VIL1: variants seen among roughly 807,000 people sequenced by gnomAD.
VIL1 encodes villin-1.
VIL1 carries 86 observed loss-of-function variants against 104.0 expected under a neutral mutation model. The ratio of observed to expected loss-of-function variants is 0.83; its 90% CI spans 0.69 to 0.99. The LOEUF is 0.99. VIL1 is among the 50% of genes least tolerant of loss of function. The pLI, the probability that VIL1 is intolerant of heterozygous loss-of-function variation, is 0.00. For synonymous variants in VIL1, 394 were observed against 412.6 expected (o/e 0.95, Z 0.55); for missense variants, 944 against 1,054.1 (o/e 0.90, Z 1.45).
chr2:218,434,755 TC>T (rs1559148599), intron 14 of VIL1, 50 bp downstream of exon 14: 1 of 1,547,528 alleles, frequency 6.5e-7, no homozygotes, highest in Non-Finnish European at 8.7e-7. Flanking sequence ...GTCCTGGGAG[TC>T]CCCCAGTTTC....
chr2:218,436,989 C>A (rs1689202603), intron 16 of VIL1, 135 bp from the exon 17 acceptor site: 7 of 1,056,398 alleles, frequency 6.6e-6, no homozygotes, highest in South Asian at 1.6e-5. Flanking sequence ...CCAGATGATG[C>A]CTGCCCTAGG....
intron 3 of VIL1, among the ~76,000 whole-genome samples, chr2:218,425,018 T>G (rs539084520): frequency 6.6e-6 from 1 of 152,242 alleles, no homozygotes; most frequent in African/African-American, 2.4e-5. Flanking sequence ...CCTGTACTAT[T>G]AAGACATTTG....
chr2:218,425,896 AC>A, intron 4 of VIL1, 85 bp downstream of exon 4: 1 of 1,416,878 alleles, frequency 7.1e-7, no homozygotes, highest in Non-Finnish European at 9.5e-7. Context: ...AGGCAGGGAC[AC>A]CCAGACCTGT....
chr2:218,451,778 CAT>C lies in VIL1; in HGVS notation c.*2445_*2446del, dbSNP rs536439724. 1.3e-4 allele frequency: 20 copies of C among 152,732 alleles called. 1 individual carries two copies. The highest frequency in any genetic ancestry group is 4.1e-4 in the African/African-American group (17 of 41,580). 9.5% of individuals were successfully genotyped at this position (152,732 alleles called of 1,614,324 possible). On this transcript the variant is annotated 3_prime_UTR_variant, in exon 20 of 20. Transcript: ENST00000248444. ...ATTAACTGATCTGTAAGAACCACTG[CAT>C]ATGTCTTAAAATGTAAACATATTTA...
rs372157130 is a variant in VIL1, at chr2:218,434,598, G to A, written c.1573G>A (p.Ala525Thr). The change falls in exon 14 of 20, where the codon GCC becomes ACC. Residue 525 changes from alanine to threonine, a missense_variant. By Grantham distance (58) the Ala-to-Thr change is moderately conservative (BLOSUM62 0). Coordinates refer to ENST00000248444, the MANE Select transcript of VIL1 (RefSeq NM_007127.3). ...TRLFQVQGTGANNTKAFEVPA... is the reference protein window; with the variant it reads ...TRLFQVQGTGTNNTKAFEVPA... Reference sequence around the variant, plus strand: ...GCTGTTCCAGGTCCAGGGAACTGGCGCCAACAACACCAAGGCCTTTGAGGT... The same window carrying A: ...GCTGTTCCAGGTCCAGGGAACTGGCACCAACAACACCAAGGCCTTTGAGGT... 58 of 1,613,972 alleles carry A rather than the reference G, an allele frequency of 3.6e-5. No homozygotes were observed. Among genetic ancestry groups the A allele is most frequent in the Admixed American group, 1.2e-4 (7 of 59,982 alleles).
intron 19 of VIL1, among the ~76,000 whole-genome samples, chr2:218,441,282 G>A (rs1339686720): frequency 2.6e-5 from 4 of 151,822 alleles, no homozygotes; most frequent in Admixed American, 2.0e-4. Flanking sequence ...CCAGCTACTC[G>A]GGAGGCTGAG....
At chr2:218,421,474 G>A (rs1219476261) in intron 1 of VIL1, among the ~76,000 whole-genome samples, 2 of 152,190 alleles carry the variant, frequency 1.3e-5, no homozygotes, top group East Asian at 1.9e-4. Context: ...CAGAGTCCAC[G>A]GTGGCAGGGC....
At chr2:218,430,362 CTTGGGGCCAGTGTTGGA>C (rs1330212494) in intron 9 of VIL1, among the ~76,000 whole-genome samples, 5 of 152,144 alleles carry the variant, frequency 3.3e-5, no homozygotes, top group Non-Finnish European at 4.4e-5. Flanking sequence ...CCCTAACTGG[CTTGGGGCCAGTGTTGGA>C]TTGGGGACTG....
intron 12 of VIL1, 36 bp downstream of exon 12, chr2:218,432,219 G>T (rs564704447): frequency 1.2e-6 from 2 of 1,600,456 alleles, no homozygotes; most frequent in Non-Finnish European, 1.7e-6. Flanking sequence ...GAGCACAGCC[G>T]GCTTAGCTCT....
intron 10 of VIL1, chr2:218,431,344 TC>T (rs1199873626): frequency 1.1e-5 from 1 of 87,566 alleles, no homozygotes; most frequent in African/African-American, 5.5e-5. Context: ...AGAGCGAAAC[TC>T]CATCTCAAAA....
intron 6 of VIL1, 23 bp downstream of exon 6, chr2:218,428,360 C>A (rs960308337): frequency 6.2e-7 from 1 of 1,600,082 alleles, no homozygotes; most frequent in Admixed American, 1.7e-5. Flanking sequence ...ATGCACCACA[C>A]CTCCCTCTCG....
At chr2:218,440,577 T>G in intron 18 of VIL1, 145 bp from the exon 19 acceptor site, 1 of 967,438 alleles carries the variant, frequency 1.0e-6, no homozygotes, top group South Asian at 1.6e-5. Context: ...GCCTATGTTG[T>G]TCTTATGAGT....
intron 18 of VIL1, among the ~76,000 whole-genome samples, chr2:218,439,416 C>T (rs1211758722): frequency 6.6e-6 from 1 of 152,130 alleles, no homozygotes; most frequent in African/African-American, 2.4e-5. Flanking sequence ...TGTAGTTAGT[C>T]CATGGACTAC....
At position 218,432,873 on chromosome 2, in the gene VIL1, A is replaced by G. The variant is rs1273950460; in HGVS notation, c.1422A>G (p.Pro474=). 1.9e-6 allele frequency: 3 copies of G among 1,614,104 alleles called. No homozygotes were observed. Among genetic ancestry groups the G allele is most frequent in the Non-Finnish European group, 2.5e-6 (3 of 1,180,048 alleles). ...TGGACCAGAAGTACAATGGTGAACC[A>G]GTCCAGATCCGGGTCCCAATGGGCA... The part of the protein sequence containing the change: ...VILDQKYNGE[P]VQIRVPMGKE... The change falls in exon 13 of 20, where the codon CCA becomes CCG. Residue 474 remains proline, a synonymous_variant. Transcript: ENST00000248444.
chr2:218,429,819 C>T, intron 8 of VIL1, 30 bp from the exon 9 acceptor site: 6 of 1,603,546 alleles, frequency 3.7e-6, no homozygotes, highest in Non-Finnish European at 5.1e-6. Flanking sequence ...ACCTCCAGCT[C>T]CATCAGACTC....
intron 4 of VIL1, among the ~76,000 whole-genome samples, chr2:218,427,645 C>A (rs916357339): frequency 6.6e-6 from 1 of 152,090 alleles, no homozygotes; most frequent in Non-Finnish European, 1.5e-5. Flanking sequence ...ATTTCCTACT[C>A]TTAATATATC....
At position 218,430,888 on chromosome 2, in the gene VIL1, A is replaced by G. The variant is rs1317686812; in HGVS notation, c.1102+10A>G. The G allele has an allele frequency of 6.2e-7, 1 of 1,608,076 alleles. No individual in the cohort carries two copies. The highest frequency in any genetic ancestry group is 8.5e-7 in the Non-Finnish European group (1 of 1,177,368). On this transcript the variant is annotated intron_variant, in intron 10 of 19. Coordinates refer to ENST00000248444, the MANE Select transcript of VIL1 (RefSeq NM_007127.3). Reference sequence around the variant, plus strand: ...ACTGTGGGCTCCGTGGGTGAGGGCCAGGCGGGGGCAGTGAGGGAGCCAGGA... The same window carrying G: ...ACTGTGGGCTCCGTGGGTGAGGGCCGGGCGGGGGCAGTGAGGGAGCCAGGA...
At chr2:218,437,698 A>C (rs1317326204) in intron 17 of VIL1, among the ~76,000 whole-genome samples, 1 of 152,262 alleles carries the variant, frequency 6.6e-6, no homozygotes, top group African/African-American at 2.4e-5. Flanking sequence ...CATTGCAGCA[A>C]CATGGTGGAT....
At chr2:218,442,267 A>C (rs1689297390) in intron 19 of VIL1, among the ~76,000 whole-genome samples, 1 of 152,210 alleles carries the variant, frequency 6.6e-6, no homozygotes, top group Non-Finnish European at 1.5e-5. Flanking sequence ...GCTTAGGGGA[A>C]GACAATCATG....
Sources: allele counts gnomAD v4.1 joint callset (sites outside exome capture counted in the v4.1 genomes callset), GRCh38; gene constraint gnomAD v4.1.1; transcripts MANE v1.5; gene names NCBI Gene and HGNC (gene_info 2026-07-23, HGNC 2026-07-21).